Variants in ODAD2 observed in about 807,000 individuals in gnomAD.
The protein encoded by ODAD2 is outer dynein arm docking complex subunit 2.
In ODAD2, 89 loss-of-function variants were observed where a neutral mutation model predicts 106.8. That is an observed-to-expected ratio of 0.83 (90% confidence interval 0.70 to 0.99). The LOEUF (loss-of-function observed/expected upper bound fraction) is 0.99. Ranked by LOEUF, ODAD2 falls within the 50% of genes least tolerant of loss-of-function variation. The pLI is 0.00. For synonymous variants in ODAD2, 404 were observed against 436.2 expected (o/e 0.93, Z 0.92); for missense variants, 1,168 against 1,238.5 (o/e 0.94, Z 0.85).
chr10:27,953,392 A>T (rs1847503960), intron 10 of ODAD2, among the ~76,000 whole-genome samples: 1 of 152,202 alleles, frequency 6.6e-6, no homozygotes, highest in Non-Finnish European at 1.5e-5. Flanking sequence ...TATTACTGCT[A>T]TCAAAAATGT....
chr10:27,887,582 A>T (rs753936142), intron 17 of ODAD2, among the ~76,000 whole-genome samples: 70 of 152,168 alleles, frequency 4.6e-4, no homozygotes, highest in Non-Finnish European at 8.8e-4. Flanking sequence ...ATGAAGCCGC[A>T]AAACAAGTCT....
chr10:27,814,745 C>T (rs1173447822), intron 19 of ODAD2, among the ~76,000 whole-genome samples: 1 of 152,218 alleles, frequency 6.6e-6, no homozygotes, highest in Non-Finnish European at 1.5e-5. Context: ...TTGAATCATT[C>T]TCTTATCAGT....
chr10:27,974,558 G>A (rs145032569), intron 7 of ODAD2, among the ~76,000 whole-genome samples: 2,576 of 152,084 alleles, frequency 0.017, 67 homozygotes, highest in African/African-American at 0.059. Context: ...CCTTGTTTCT[G>A]GGCTCTCTAT....
At chr10:27,998,828 G>C (rs1209875003) in intron 1 of ODAD2, among the ~76,000 whole-genome samples, 166 bp downstream of exon 1, 2 of 152,042 alleles carry the variant, frequency 1.3e-5, no homozygotes, top group Non-Finnish European at 2.9e-5. Flanking sequence ...CCCCGCAGTC[G>C]GCGCCCGCCT....
At chr10:27,971,381 GC>G in intron 7 of ODAD2, 68 bp from the exon 8 acceptor site, 1 of 1,316,574 alleles carries the variant, frequency 7.6e-7, no homozygotes, top group Non-Finnish European at 1.0e-6. Flanking sequence ...GAAGATTAAT[GC>G]CAGTGGTAAA....
chr10:27,979,007 C>A (rs1030433356), intron 7 of ODAD2, among the ~76,000 whole-genome samples: 5 of 151,708 alleles, frequency 3.3e-5, no homozygotes, highest in African/African-American at 1.2e-4. Flanking sequence ...GCCAAGAGTT[C>A]GAGACCAGCC....
At chr10:27,952,151 C>A in intron 10 of ODAD2, among the ~76,000 whole-genome samples, 1 of 146,796 alleles carries the variant, frequency 6.8e-6, no homozygotes. Flanking sequence ...GATTAATTTG[C>A]ATCATCAAGA....
At chr10:27,907,073 C>T (rs1346485268) in intron 17 of ODAD2, among the ~76,000 whole-genome samples, 1 of 152,114 alleles carries the variant, frequency 6.6e-6, no homozygotes, top group Non-Finnish European at 1.5e-5. Context: ...AGGGCAATCT[C>T]TAAACCTATA....
At chr10:27,837,786 C>T (rs763900795) in intron 19 of ODAD2, among the ~76,000 whole-genome samples, 4 of 152,164 alleles carry the variant, frequency 2.6e-5, no homozygotes, top group Non-Finnish European at 1.5e-5. Context: ...ATGAACACAG[C>T]ATCCGCAAGC....
intron 19 of ODAD2, among the ~76,000 whole-genome samples, chr10:27,828,465 G>GAATATTCA (rs1837236132): frequency 1.3e-5 from 2 of 152,188 alleles, no homozygotes; most frequent in African/African-American, 4.8e-5. Context: ...TCAAAGACCA[G>GAATATTCA]AAGGAAGATG....
At chr10:27,846,840 C>G (rs1838803627) in intron 19 of ODAD2, among the ~76,000 whole-genome samples, 1 of 151,442 alleles carries the variant, frequency 6.6e-6, no homozygotes, top group South Asian at 2.1e-4. Context: ...TGGATAAATT[C>G]CTGGACACAT....
chr10:27,988,160 T>C (rs1276399594), intron 2 of ODAD2, among the ~76,000 whole-genome samples: 1 of 151,902 alleles, frequency 6.6e-6, no homozygotes, highest in Non-Finnish European at 1.5e-5. Context: ...TAGCTTTGTG[T>C]TTCCATCCAT....
chr10:27,846,140 G>A (rs559244940), intron 19 of ODAD2, among the ~76,000 whole-genome samples: 1,655 of 152,138 alleles, frequency 0.011, 15 homozygotes, highest in Non-Finnish European at 0.015. Flanking sequence ...GCACCACATC[G>A]TACTTATTCC....
intron 17 of ODAD2, among the ~76,000 whole-genome samples, chr10:27,866,185 C>T (rs888729624): frequency 5.9e-4 from 90 of 152,176 alleles, no homozygotes; most frequent in Middle Eastern, 6.8e-3. Flanking sequence ...ACTGTTTAAT[C>T]CTAATTACCC....
At chr10:27,916,914 T>A (rs1844417476) in intron 16 of ODAD2, among the ~76,000 whole-genome samples, 1 of 152,024 alleles carries the variant, frequency 6.6e-6, no homozygotes, top group Admixed American at 6.6e-5. Flanking sequence ...AAGAAAAAAC[T>A]ACAAATAAAC....
At chr10:27,916,397 A>G (rs1159828478) in intron 16 of ODAD2, among the ~76,000 whole-genome samples, 1 of 152,174 alleles carries the variant, frequency 6.6e-6, no homozygotes, top group Non-Finnish European at 1.5e-5. Flanking sequence ...GCTTGGTTAC[A>G]TACAGGGAAA....
intron 12 of ODAD2, among the ~76,000 whole-genome samples, chr10:27,943,569 C>G (rs1846609575): frequency 6.6e-6 from 1 of 151,830 alleles, no homozygotes; most frequent in Admixed American, 6.6e-5. Flanking sequence ...GGCGGATTAC[C>G]TGAGCTCAGG....
intron 16 of ODAD2, among the ~76,000 whole-genome samples, chr10:27,932,884 A>G (rs2134066000): frequency 6.6e-6 from 1 of 152,366 alleles, no homozygotes; most frequent in South Asian, 2.1e-4. Flanking sequence ...CCACGACAGC[A>G]GGAGCTTTGT....
chr10:27,915,885 A>G (rs143851876), intron 16 of ODAD2, among the ~76,000 whole-genome samples: 20 of 152,132 alleles, frequency 1.3e-4, no homozygotes, highest in Non-Finnish European at 2.6e-4. Context: ...ATGGACACAA[A>G]CTGTTCACAT....
Sources: allele counts gnomAD v4.1 joint callset (sites outside exome capture counted in the v4.1 genomes callset), GRCh38; gene constraint gnomAD v4.1.1; transcripts MANE v1.5; gene names NCBI Gene and HGNC (gene_info 2026-07-23, HGNC 2026-07-21).